Variants in CCDC62 observed in about 807,000 individuals in gnomAD.
CCDC62 encodes the protein coiled-coil domain-containing protein 62.
In CCDC62, 72 loss-of-function variants were observed where a neutral mutation model predicts 80.8. The observed-to-expected ratio is 0.89, with a 90% CI of 0.74 to 1.08. The LOEUF is 1.08. CCDC62 is among the 50% of genes least tolerant of loss of function. The pLI, the probability that CCDC62 is intolerant of heterozygous loss-of-function variation, is 0.00. For synonymous variants in CCDC62, 286 were observed against 296.5 expected (o/e 0.96, Z 0.36); for missense variants, 704 against 809.4 (o/e 0.87, Z 1.58).
chr12:122,786,988 A>G (rs1354088351), intron 4 of CCDC62, among the ~76,000 whole-genome samples: 4 of 152,058 alleles, frequency 2.6e-5, no homozygotes, highest in African/African-American at 9.7e-5. Context: ...TAAAGAGAAA[A>G]TATTAAAATC....
At chr12:122,777,406 A>G (rs1342598016) in intron 1 of CCDC62, 85 bp from the exon 2 acceptor site, 3 of 1,155,778 alleles carry the variant, frequency 2.6e-6, no homozygotes, top group Non-Finnish European at 3.7e-6. Context: ...CCGCAAAAGA[A>G]GATATACTTA....
At position 122,801,957 on chromosome 12, in the gene CCDC62, G is replaced by A. The variant is rs2031341115; in HGVS notation, c.1706+105G>A. On this transcript the variant is annotated intron_variant, in intron 9 of 12. Transcript: ENST00000253079. ...GCCATACCTACTATTAATCCAAAAG[G>A]CATGTTTGCTAACAGAAATCTTCCT... The A allele has an allele frequency of 2.4e-6, 3 of 1,233,532 alleles. No individual in the cohort carries two copies. In the South Asian group the frequency reaches 4.3e-5, roughly 18 times the overall value. 76.4% of individuals were successfully genotyped at this position (1,233,532 alleles called of 1,614,324 possible).
chr12:122,801,142 A>G lies in CCDC62; in HGVS notation c.996A>G (p.Ser332=). Residue 332 remains serine, a synonymous_variant, in exon 9 of 13, where the codon TCA becomes TCG. Coordinates refer to ENST00000253079, the MANE Select transcript of CCDC62 (RefSeq NM_201435.5). ...ACCATAGCAGAGACATGTGTTTATC[A>G]GACCTTGAAAATAACCACCCAAAAG... The part of the protein sequence containing the change: ...ALDSSRDMCL[S]DLENNHPKVD... 6.2e-7 allele frequency: 1 copy of G among 1,611,998 alleles called. No homozygotes were observed. The highest frequency in any genetic ancestry group is 1.1e-5 in the South Asian group (1 of 90,642).
At chr12:122,825,342 ATTTT>A (rs749990077) in intron 12 of CCDC62, among the ~76,000 whole-genome samples, 1 of 89,806 alleles carries the variant, frequency 1.1e-5, no homozygotes, top group Non-Finnish European at 2.1e-5. Flanking sequence ...CACCTGGCTA[ATTTT>A]TTTTTTTTTT....
chr12:122,775,369 C>T (rs959434240), intron 1 of CCDC62, among the ~76,000 whole-genome samples: 1 of 152,120 alleles, frequency 6.6e-6, no homozygotes, highest in Admixed American at 6.6e-5. Flanking sequence ...GCCCAAGGTT[C>T]GCGTCCATCA....
At chr12:122,809,846 G>A (rs2031792145) in intron 10 of CCDC62, among the ~76,000 whole-genome samples, 1 of 152,078 alleles carries the variant, frequency 6.6e-6, no homozygotes, top group African/African-American at 2.4e-5. Context: ...ACAGAACAGA[G>A]CCCTCAGAAA....
At chr12:122,783,574 A>G (rs560583677) in intron 3 of CCDC62, among the ~76,000 whole-genome samples, 10 of 152,252 alleles carry the variant, frequency 6.6e-5, no homozygotes, top group African/African-American at 2.4e-4. Flanking sequence ...TGGTAATATA[A>G]TGAGTCTTTA....
chr12:122,806,410 T>G lies in CCDC62; in HGVS notation c.1851+115T>G, dbSNP rs544062772. ...TTATTTTGGCTATTCCTCCGTTTTT[T>G]TTTTTTTTTTTTTAATTCTAGGATT... On this transcript the variant is annotated intron_variant, in intron 10 of 12. Coordinates refer to ENST00000253079, the MANE Select transcript of CCDC62 (RefSeq NM_201435.5). 2.8e-3 allele frequency: 1,879 copies of G among 670,880 alleles called. 20 individuals are homozygous for G. In the African/African-American group the frequency reaches 0.032, roughly 11 times the overall value. 41.6% of individuals were successfully genotyped at this position (670,880 alleles called of 1,614,324 possible).
chr12:122,782,590 C>T (rs12302287), intron 3 of CCDC62, among the ~76,000 whole-genome samples: 8,427 of 152,070 alleles, frequency 0.055, 406 homozygotes, highest in East Asian at 0.27. Context: ...CCCCGAGTAG[C>T]TGGGATTACA....
chr12:122,818,214 A>C (rs1299996666), intron 11 of CCDC62, among the ~76,000 whole-genome samples: 1 of 152,088 alleles, frequency 6.6e-6, no homozygotes, highest in African/African-American at 2.4e-5. Flanking sequence ...GCACTTTGGG[A>C]GGCCGAGGCA....
At chr12:122,823,599 A>T in intron 12 of CCDC62, 140 bp downstream of exon 12, 1 of 540,748 alleles carries the variant, frequency 1.8e-6, no homozygotes, top group Non-Finnish European at 3.3e-6. Flanking sequence ...ATTTATGCAT[A>T]CTTCTAAATT....
chr12:122,823,281 G>C (rs776830937), intron 11 of CCDC62, 85 bp from the exon 12 acceptor site: 94 of 990,910 alleles, frequency 9.5e-5, no homozygotes, highest in Non-Finnish European at 1.4e-4. Context: ...TCTCTTAAAG[G>C]CATTTCTGCT....
At chr12:122,818,586 T>C (rs1426649044) in intron 11 of CCDC62, among the ~76,000 whole-genome samples, 3 of 151,968 alleles carry the variant, frequency 2.0e-5, no homozygotes, top group Admixed American at 6.6e-5. Flanking sequence ...CACACCACTG[T>C]ACTCCAGCTT....
chr12:122,776,600 A>T (rs540289444), intron 1 of CCDC62: 34 of 152,290 alleles, frequency 2.2e-4, no homozygotes, highest in Non-Finnish European at 4.1e-4. Context: ...TACATAATTT[A>T]TTTTTTAATG....
intron 12 of CCDC62, among the ~76,000 whole-genome samples, chr12:122,826,079 G>A (rs1456938437): frequency 6.6e-6 from 1 of 151,246 alleles, no homozygotes; most frequent in African/African-American, 2.4e-5. Flanking sequence ...CTGGATTTGT[G>A]TTTACTTCTA....
rs2031020881 is a variant in CCDC62, at chr12:122,797,293, T to G, written c.773-14T>G. On this transcript the variant is annotated splice_polypyrimidine_tract_variant and intron_variant, in intron 6 of 12. Coordinates refer to ENST00000253079, the MANE Select transcript of CCDC62 (RefSeq NM_201435.5). ...AGCTGATGAAAAATGTTAATAATAC[T>G]TGTTCTTAAATAGTAGAGAGAGAAA... 1 of 1,300,884 alleles carries G rather than the reference T, an allele frequency of 7.7e-7. No individual in the cohort carries two copies. Among genetic ancestry groups the G allele is most frequent in the African/African-American group, 1.5e-5 (1 of 68,874 alleles). 80.6% of individuals were successfully genotyped at this position (1,300,884 alleles called of 1,614,324 possible).
chr12:122,819,995 G>C (rs903616402), intron 11 of CCDC62, among the ~76,000 whole-genome samples: 4 of 148,996 alleles, frequency 2.7e-5, no homozygotes, highest in Non-Finnish European at 5.9e-5. Context: ...CCAGGAATTT[G>C]AGGCTGCAGT....
rs142482016 is a variant in CCDC62 at position 122,806,084 on chromosome 12, T to C, written c.1707-67T>C. On this transcript the variant is annotated intron_variant, in intron 9 of 12. Coordinates refer to ENST00000253079, the MANE Select transcript of CCDC62 (RefSeq NM_201435.5). Reference sequence around the variant, plus strand: ...TTTGTCCTTTTAAGATACTTTTGAGTATAAGAGTGATCTATGTATGATATT... The same window carrying C: ...TTTGTCCTTTTAAGATACTTTTGAGCATAAGAGTGATCTATGTATGATATT... The C allele has an allele frequency of 8.2e-5, 117 of 1,424,400 alleles. No homozygotes were observed. The East Asian group carries it at 2.6e-3, about 32-fold the overall frequency. 88.2% of individuals were successfully genotyped at this position (1,424,400 alleles called of 1,614,324 possible).
At chr12:122,785,852 A>G (rs751714252) in intron 4 of CCDC62, 32 bp downstream of exon 4, 3 of 1,403,248 alleles carry the variant, frequency 2.1e-6, no homozygotes, top group Non-Finnish European at 3.0e-6. Context: ...TCCATTTGCC[A>G]GAGTGCTTGG....
Sources: gnomAD v4.1 joint callset for allele counts (sites outside exome capture counted in the v4.1 genomes callset) on GRCh38, gnomAD v4.1.1 for gene constraint, MANE v1.5 for transcripts, NCBI Gene and HGNC (gene_info 2026-07-23, HGNC 2026-07-21) for gene names.